Variants in ELF2 observed in about 807,000 individuals in gnomAD.
The protein encoded by ELF2 is E74 like ETS transcription factor 2.
Under a neutral mutation model 54.8 loss-of-function variants are expected in ELF2, and 11 were observed. The observed-to-expected ratio is 0.20, with a 90% CI of 0.13 to 0.33. The LOEUF is 0.33. ELF2 is among the 10% of genes least tolerant of loss of function. ELF2 has a pLI of 1.00. For missense variants in ELF2, 513 were observed against 703.0 expected (o/e 0.73, Z 3.06); for synonymous variants, 203 against 245.1 (o/e 0.83, Z 1.61).
intron 4 of ELF2, among the ~76,000 whole-genome samples, chr4:139,088,326 TG>T (rs1272264970): frequency 1.3e-5 from 2 of 151,382 alleles, no homozygotes; most frequent in Non-Finnish European, 2.9e-5. Flanking sequence ...AAATTTTAAC[TG>T]AAAATATACT....
Position 139,057,845 on chromosome 4 carries a change from G to C in ELF2, c.*1138C>G, listed in dbSNP as rs992130187. On this transcript the variant is annotated 3_prime_UTR_variant, in exon 10 of 10. Transcript: ENST00000686138. ...TTAAATATTGTTTAAAATATCACCA[G>C]AGACCAAAACAGAAGATAAATTTCA... 5 of 152,490 alleles carry C rather than the reference G, an allele frequency of 3.3e-5. No homozygotes were observed. Among genetic ancestry groups the C allele is most frequent in the African/African-American group, 1.2e-4 (5 of 41,384 alleles). 9.4% of individuals were successfully genotyped at this position (152,490 alleles called of 1,614,324 possible).
chr4:139,087,969 T>C (rs945340899), intron 4 of ELF2, among the ~76,000 whole-genome samples: 3 of 152,188 alleles, frequency 2.0e-5, no homozygotes, highest in African/African-American at 7.2e-5. Context: ...AGGACCCATA[T>C]ATAATTCTTG....
At chr4:139,154,403 T>C (rs1345047660) in intron 1 of ELF2, among the ~76,000 whole-genome samples, 1 of 149,454 alleles carries the variant, frequency 6.7e-6, no homozygotes, top group Non-Finnish European at 1.5e-5. Flanking sequence ...ATGAATGTCA[T>C]TTGATCTGTT....
intron 4 of ELF2, among the ~76,000 whole-genome samples, chr4:139,114,563 A>T (rs1023376025): frequency 1.4e-4 from 10 of 73,518 alleles, no homozygotes; most frequent in South Asian, 4.4e-4. Context: ...CTTCAGTCTC[A>T]CACACACACA....
At chr4:139,073,591 CAATT>C (rs1470671784) in intron 4 of ELF2, 24 bp from the exon 5 acceptor site, 1 of 1,431,436 alleles carries the variant, frequency 7.0e-7, no homozygotes. Context: ...AAGTTCTACT[CAATT>C]AAAAATACAC....
intron 3 of ELF2, among the ~76,000 whole-genome samples, chr4:139,132,841 CATAT>C (rs58765596): frequency 0.11 from 12,476 of 114,750 alleles, 559 homozygotes; most frequent in East Asian, 0.13. Context: ...TATTACTTTA[CATAT>C]ATATATATAT....
intron 4 of ELF2, among the ~76,000 whole-genome samples, chr4:139,103,082 T>C (rs937968104): frequency 2.0e-5 from 3 of 152,202 alleles, no homozygotes; most frequent in African/African-American, 7.2e-5. Context: ...TTTGCCATAT[T>C]GCCCAGGCTA....
At chr4:139,115,142 G>A in intron 4 of ELF2, 1 of 1,613,398 alleles carries the variant, frequency 6.2e-7, no homozygotes, top group South Asian at 1.1e-5. Flanking sequence ...CGCGTGAGCT[G>A]CTCCAGGATC....
chr4:139,156,379 C>G (rs1288136162), intron 1 of ELF2, among the ~76,000 whole-genome samples: 1 of 152,124 alleles, frequency 6.6e-6, no homozygotes, highest in African/African-American at 2.4e-5. Flanking sequence ...CTGGGTTTCA[C>G]CGTGTTAGCC....
Position 139,085,970 on chromosome 4 carries a change from G to A in ELF2, c.239-12403C>T, listed in dbSNP as rs114142751. On this transcript the variant is annotated intron_variant, in intron 4 of 9. Transcript: ENST00000686138. ...ACACATTGGGAAACTGAGGCCCCAA[G>A]AAGTTACTTAACAAAGGTTACAAAG... 1.4e-3 allele frequency among the ~76,000 whole-genome samples: 211 copies of A among 152,244 alleles called. 1 individual carries two copies. Among genetic ancestry groups the A allele is most frequent in the African/African-American group, 4.9e-3 (203 of 41,546 alleles).
chr4:139,144,575 G>A (rs1739040482), intron 1 of ELF2, among the ~76,000 whole-genome samples: 1 of 152,226 alleles, frequency 6.6e-6, no homozygotes, highest in Non-Finnish European at 1.5e-5. Flanking sequence ...ATTGCCAGTG[G>A]ATGAAAAGGG....
rs1729541744 is a variant in ELF2, at chr4:139,071,757, C to T, written c.526+109G>A. The stretch of plus-strand genomic sequence containing the variant: ...CTTTGAGAATATCTGGTTAAGATAA[C>T]ATCAATCTTAAATCTACAGCATATA... On this transcript the variant is annotated intron_variant, in intron 6 of 9. Coordinates refer to ENST00000686138, the MANE Select transcript of ELF2 (RefSeq NM_001331036.3). The T allele has an allele frequency of 4.9e-6, 5 of 1,012,430 alleles. No individual in the cohort carries two copies. The African/African-American group carries it at 6.6e-5, about 13-fold the overall frequency. The allele number at this position is 1,012,430 out of a possible 1,614,324, so 62.7% of individuals were successfully genotyped here.
chr4:139,126,388 AAG>A (rs1045376073), intron 3 of ELF2, among the ~76,000 whole-genome samples: 4 of 151,754 alleles, frequency 2.6e-5, no homozygotes, highest in Non-Finnish European at 4.4e-5. Flanking sequence ...AAAAAAAAAA[AAG>A]GTTTGGAAAG....
At chr4:139,061,291 C>G (rs1727815579) in intron 8 of ELF2, among the ~76,000 whole-genome samples, 1 of 151,748 alleles carries the variant, frequency 6.6e-6, no homozygotes, top group Non-Finnish European at 1.5e-5. Flanking sequence ...TCTCTTACCT[C>G]AGCCTCCCGA....
chr4:139,067,497 AG>A (rs754538461), intron 7 of ELF2, 186 bp downstream of exon 7: 16 of 555,812 alleles, frequency 2.9e-5, no homozygotes, highest in Non-Finnish European at 4.8e-5. Flanking sequence ...TCTGTGGTGT[AG>A]GAACTGGGCA....
intron 4 of ELF2, among the ~76,000 whole-genome samples, chr4:139,076,555 T>C (rs1004116095): frequency 2.0e-5 from 3 of 152,202 alleles, no homozygotes; most frequent in Non-Finnish European, 4.4e-5. Flanking sequence ...TAATAAACTA[T>C]CCTGGGCAAA....
chr4:139,163,272 A>G (rs1023345428), intron 1 of ELF2, among the ~76,000 whole-genome samples: 3 of 150,280 alleles, frequency 2.0e-5, no homozygotes, highest in Non-Finnish European at 4.4e-5. Context: ...TTATGAGAAA[A>G]GCATAAGAAT....
intron 1 of ELF2, among the ~76,000 whole-genome samples, chr4:139,173,040 T>C (rs1469646996): frequency 1.3e-5 from 2 of 152,074 alleles, no homozygotes; most frequent in Non-Finnish European, 2.9e-5. Context: ...CTACATATTG[T>C]ACAATTCCAC....
At chr4:139,114,703 C>A (rs1190037950) in intron 4 of ELF2, among the ~76,000 whole-genome samples, 5 of 148,250 alleles carry the variant, frequency 3.4e-5, no homozygotes, top group African/African-American at 1.3e-4. Flanking sequence ...GCCCGCGCCA[C>A]GGAGTCAATA....
Sources: allele counts gnomAD v4.1 joint callset (sites outside exome capture counted in the v4.1 genomes callset), GRCh38; gene constraint gnomAD v4.1.1; transcripts MANE v1.5; gene names NCBI Gene and HGNC (gene_info 2026-07-23, HGNC 2026-07-21).